The following DGKB variants were observed in gnomAD, a reference collection of about 807,000 sequenced individuals.
The protein encoded by DGKB is diacylglycerol kinase beta.
DGKB carries 67 observed loss-of-function variants against 114.3 expected under a neutral mutation model. The ratio of observed to expected loss-of-function variants is 0.59; its 90% CI spans 0.48 to 0.72. The LOEUF is 0.72. Among genes scored for constraint, DGKB ranks in the 30% least tolerant of loss-of-function variants. The pLI is 0.00. For missense variants in DGKB, 907 were observed against 975.2 expected, an observed-to-expected ratio of 0.93 and a Z score of 0.93; for synonymous variants, 398 against 323.1, an observed-to-expected ratio of 1.23 and a Z score of -2.49.
chr7:14,566,691 C>T (rs1029115327), intron 20 of DGKB, among the ~76,000 whole-genome samples: 3 of 152,072 alleles, frequency 2.0e-5, no homozygotes, highest in Non-Finnish European at 4.4e-5. Context: ...TTAACAGCAG[C>T]CTTTCATGTT....
chr7:14,651,213 A>C (rs1404702997), intron 13 of DGKB, among the ~76,000 whole-genome samples: 2 of 152,206 alleles, frequency 1.3e-5, no homozygotes, highest in Non-Finnish European at 2.9e-5. Context: ...ATTTTAGACC[A>C]ATATCCTTGA....
intron 20 of DGKB, among the ~76,000 whole-genome samples, chr7:14,506,440 C>T (rs1233704127): frequency 6.6e-6 from 1 of 152,034 alleles, no homozygotes; most frequent in East Asian, 1.9e-4. Flanking sequence ...AAAAGGTAGA[C>T]AATATGCAAA....
intron 2 of DGKB, among the ~76,000 whole-genome samples, chr7:14,805,018 T>C (rs2128060389): frequency 6.6e-6 from 1 of 152,228 alleles, no homozygotes; most frequent in East Asian, 1.9e-4. Context: ...CAATTGGTTT[T>C]ATTAGTTATT....
chr7:14,305,610 G>A (rs994688304), intron 23 of DGKB, among the ~76,000 whole-genome samples: 1 of 152,120 alleles, frequency 6.6e-6, no homozygotes, highest in African/African-American at 2.4e-5. Context: ...TTTATTTATA[G>A]TTCTAGTGGC....
chr7:14,347,270 T>C (rs1812639882), intron 21 of DGKB, among the ~76,000 whole-genome samples: 1 of 151,950 alleles, frequency 6.6e-6, no homozygotes. Flanking sequence ...AGGATGGCTA[T>C]TTTCAAAATA....
At chr7:14,163,718 C>T (rs907057520) in intron 25 of DGKB, among the ~76,000 whole-genome samples, 5 of 152,138 alleles carry the variant, frequency 3.3e-5, no homozygotes, top group Non-Finnish European at 5.9e-5. Flanking sequence ...ACTGGCCAGG[C>T]ACAGTGACTC....
intron 23 of DGKB, among the ~76,000 whole-genome samples, chr7:14,203,646 A>G (rs1466754353): frequency 2.0e-5 from 3 of 151,980 alleles, no homozygotes; most frequent in African/African-American, 7.2e-5. Context: ...GGTCTAAATG[A>G]ATGGCATCTT....
upstream of DGKB, among the ~76,000 whole-genome samples, chr7:14,906,402 A>C (rs1265707538): frequency 6.6e-6 from 1 of 151,522 alleles, no homozygotes; most frequent in Non-Finnish European, 1.5e-5. Flanking sequence ...AAGTATCAGA[A>C]GTTATTGACA....
At chr7:14,726,398 G>T (rs950628086) in intron 5 of DGKB, among the ~76,000 whole-genome samples, 2 of 152,104 alleles carry the variant, frequency 1.3e-5, no homozygotes, top group Non-Finnish European at 2.9e-5. Context: ...CTCCCAAAGT[G>T]CTGGGATTAC....
chr7:14,837,175 G>A (rs1320802668), intron 2 of DGKB, among the ~76,000 whole-genome samples: 1 of 152,138 alleles, frequency 6.6e-6, no homozygotes, highest in African/African-American at 2.4e-5. Flanking sequence ...AAGTATGGTA[G>A]GATCAGTATT....
chr7:14,186,496 G>A (rs1327179927), intron 23 of DGKB, among the ~76,000 whole-genome samples: 1 of 152,192 alleles, frequency 6.6e-6, no homozygotes. Context: ...ACTACCATTT[G>A]ATCTAGCAGT....
At chr7:14,884,521 A>G (rs763345793) in intron 1 of DGKB, among the ~76,000 whole-genome samples, 4 of 151,920 alleles carry the variant, frequency 2.6e-5, no homozygotes, top group African/African-American at 4.8e-5. Context: ...CTGCTTCCCA[A>G]ACATGGAGAT....
chr7:14,478,197 A>T lies in DGKB; in HGVS notation c.1799T>A (p.Ile600Asn). 1 of 1,603,152 alleles carries T rather than the reference A, an allele frequency of 6.2e-7. No individual in the cohort carries two copies. The highest frequency in any genetic ancestry group is 1.1e-5 in the South Asian group (1 of 89,152). Reference sequence around the variant, plus strand: ...TTTCTCTGGGTGTTTTTCTCTCATGATGTGGAATCTGTGTGCAATGGAGGC... The same window carrying T: ...TTTCTCTGGGTGTTTTTCTCTCATGTTGTGGAATCTGTGTGCAATGGAGGC... ...VDASIAHRFH[I>N]MREKHPEKFN... The change falls in exon 21 of 26, where the codon ATC (isoleucine) becomes AAC (asparagine). Residue 600 changes from isoleucine to asparagine, a missense_variant. Physicochemically the swap from Ile to Asn is moderately radical, Grantham distance 149 (BLOSUM62 -3). This residue lies in a region of DGKB where 814 missense variants were observed against 856.6 expected (regional missense o/e 0.95). Coordinates refer to ENST00000402815, the MANE Select transcript of DGKB (RefSeq NM_001350709.2).
chr7:14,969,132 G>T (rs1346317018), intron 1 of DGKB, among the ~76,000 whole-genome samples: 1 of 152,172 alleles, frequency 6.6e-6, no homozygotes, highest in Non-Finnish European at 1.5e-5. Flanking sequence ...AAGGTAGGTA[G>T]AATCTTGATA....
chr7:14,183,393 T>C (rs1453867720), intron 23 of DGKB, among the ~76,000 whole-genome samples: 1 of 152,162 alleles, frequency 6.6e-6, no homozygotes, highest in Admixed American at 6.5e-5. Context: ...TAGGAAGAGT[T>C]TTAGCAAAAA....
chr7:14,196,837 G>A (rs770499884), intron 23 of DGKB, among the ~76,000 whole-genome samples: 44 of 151,828 alleles, frequency 2.9e-4, no homozygotes, highest in Non-Finnish European at 5.4e-4. Flanking sequence ...CATGTTGAAG[G>A]ACTTAGATAA....
chr7:14,332,384 G>A (rs55734480), intron 23 of DGKB, among the ~76,000 whole-genome samples: 30,999 of 151,790 alleles, frequency 0.2, 3,836 homozygotes, highest in South Asian at 0.36. Flanking sequence ...ACACTATGCC[G>A]CCTTCGTGGA....
Position 14,488,698 on chromosome 7 carries a change from C to T in DGKB, c.1771-10473G>A, listed in dbSNP as rs189256624. ...ATAAAATTAGCTCGGTGTGGTGGCA[C>T]GCACCTGTAGTCCCAGCTACTCGGG... On this transcript the variant is annotated intron_variant, in intron 20 of 25. Coordinates refer to ENST00000402815, the MANE Select transcript of DGKB (RefSeq NM_001350709.2). 2.0e-3 allele frequency among the ~76,000 whole-genome samples: 298 copies of T among 149,960 alleles called. 2 individuals carry two copies. The highest frequency in any genetic ancestry group is 6.9e-3 in the African/African-American group (282 of 40,888).
chr7:14,846,185 T>C (rs1848605431), intron 1 of DGKB, among the ~76,000 whole-genome samples: 1 of 152,188 alleles, frequency 6.6e-6, no homozygotes, highest in African/African-American at 2.4e-5. Context: ...ATGGTATCTC[T>C]GAGTGGCTCA....
Sources: gnomAD v4.1 joint callset for allele counts (sites outside exome capture counted in the v4.1 genomes callset) on GRCh38, gnomAD v4.1.1 for gene constraint, gnomAD v4.1.1 regional missense constraint, MANE v1.5 for transcripts, NCBI Gene and HGNC (gene_info 2026-07-23, HGNC 2026-07-21) for gene names.